The following PDE4D variants were observed in gnomAD, a reference collection of about 807,000 sequenced individuals.
PDE4D encodes 3',5'-cyclic-AMP phosphodiesterase 4D.
PDE4D carries 24 observed loss-of-function variants against 87.4 expected under a neutral mutation model. The observed-to-expected ratio is 0.27, with a 90% CI of 0.20 to 0.39. The LOEUF is 0.39. Ranked by LOEUF, PDE4D falls within the 10% of genes least tolerant of loss-of-function variation. PDE4D has a pLI of 1.00. For missense variants in PDE4D, 714 were observed against 1,041.0 expected, an observed-to-expected ratio of 0.69 and a Z score of 4.32; for synonymous variants, 384 against 383.2, an observed-to-expected ratio of 1.00 and a Z score of -0.02.
Position 59,215,763 on chromosome 5 carries a change from GC to G in PDE4D, c.647+13del, listed in dbSNP as rs552587443. The G allele has an allele frequency of 2.2e-4, 360 of 1,609,904 alleles. No individual in the cohort carries two copies. The African/African-American group carries it at 3.1e-3, about 14-fold the overall frequency. On this transcript the variant is annotated intron_variant, in intron 2 of 14. Transcript: ENST00000340635. ...TACTCGGTTTTCTCTCTCTTTGCCT[GC>G]CCTTGTACTTACATATCACTGGCAA... is the stretch of plus-strand genomic sequence containing the variant.
intron 1 of PDE4D, among the ~76,000 whole-genome samples, chr5:59,793,200 G>A (rs908315993): frequency 1.3e-5 from 2 of 152,152 alleles, no homozygotes; most frequent in East Asian, 1.9e-4. Context: ...CAGGAACCAC[G>A]TCCTGGGAGA....
intron 1 of PDE4D, among the ~76,000 whole-genome samples, chr5:59,685,199 T>C (rs1230867758): frequency 6.6e-6 from 1 of 152,236 alleles, no homozygotes; most frequent in Non-Finnish European, 1.5e-5. Context: ...ACTGTCTATG[T>C]AGTTTTTAGA....
At chr5:59,167,061 C>A (rs1285901613) in intron 5 of PDE4D, among the ~76,000 whole-genome samples, 2 of 152,196 alleles carry the variant, frequency 1.3e-5, no homozygotes, top group East Asian at 1.9e-4. Context: ...GTCCCAGACA[C>A]CGTGCTAATT....
At chr5:59,795,448 T>C (rs1434453995) in intron 1 of PDE4D, among the ~76,000 whole-genome samples, 3 of 152,196 alleles carry the variant, frequency 2.0e-5, no homozygotes, top group African/African-American at 2.4e-5. Flanking sequence ...GGCAAATGCA[T>C]GAAAGTAGAA....
intron 3 of PDE4D, among the ~76,000 whole-genome samples, chr5:59,915,100 A>C (rs1753897913): frequency 1.3e-5 from 2 of 152,118 alleles, no homozygotes. Flanking sequence ...GTGGAGTACA[A>C]AAACATAGTG....
intron 1 of PDE4D, among the ~76,000 whole-genome samples, chr5:60,254,353 AC>A (rs1748816465): frequency 6.6e-6 from 1 of 151,930 alleles, no homozygotes; most frequent in Non-Finnish European, 1.5e-5. Context: ...AATTAGAAAT[AC>A]GTTGTTCTGT....
intron 1 of PDE4D, among the ~76,000 whole-genome samples, chr5:60,468,690 C>T (rs1282973799): frequency 6.6e-6 from 1 of 151,466 alleles, no homozygotes; most frequent in Admixed American, 6.6e-5. Flanking sequence ...GTCTGGCTAA[C>T]TTTTTTTTCC....
intron 5 of PDE4D, among the ~76,000 whole-genome samples, chr5:59,049,602 C>T (rs1213778306): frequency 1.3e-5 from 2 of 152,146 alleles, no homozygotes; most frequent in East Asian, 3.9e-4. Flanking sequence ...CACCAATACA[C>T]CAGTATGATG....
At chr5:59,366,153 C>G (rs1169941572) in intron 1 of PDE4D, among the ~76,000 whole-genome samples, 1 of 151,836 alleles carries the variant, frequency 6.6e-6, no homozygotes, top group African/African-American at 2.4e-5. Context: ...GAAACTGCTT[C>G]TTAACAGGTG....
chr5:59,908,306 A>G (rs1056043081), intron 3 of PDE4D, among the ~76,000 whole-genome samples: 1 of 152,196 alleles, frequency 6.6e-6, no homozygotes, highest in Non-Finnish European at 1.5e-5. Flanking sequence ...GATATTAAAT[A>G]AACTCAAACT....
chr5:60,101,285 C>T (rs1582652148), intron 2 of PDE4D, among the ~76,000 whole-genome samples: 1 of 152,096 alleles, frequency 6.6e-6, no homozygotes, highest in Admixed American at 6.5e-5. Flanking sequence ...TCTGACTCAA[C>T]ATCTGGTTGC....
intron 1 of PDE4D, among the ~76,000 whole-genome samples, chr5:59,736,095 A>G (rs1187746892): frequency 6.6e-6 from 1 of 151,994 alleles, no homozygotes; most frequent in Non-Finnish European, 1.5e-5. Context: ...AACATTGTGC[A>G]CATGTACCCT....
At chr5:60,276,470 A>G (rs1210885233) in intron 1 of PDE4D, among the ~76,000 whole-genome samples, 1 of 152,218 alleles carries the variant, frequency 6.6e-6, no homozygotes, top group African/African-American at 2.4e-5. Context: ...GTAAATAGAC[A>G]GCAACCTACT....
chr5:59,200,057 G>GCACACATA (rs1561688147), intron 2 of PDE4D, among the ~76,000 whole-genome samples: 14 of 148,246 alleles, frequency 9.4e-5, no homozygotes, highest in Non-Finnish European at 1.6e-4. Flanking sequence ...GTACACACAT[G>GCACACATA]CATGTACACA....
intron 1 of PDE4D, among the ~76,000 whole-genome samples, chr5:60,295,237 G>T (rs1364718692): frequency 1.3e-5 from 2 of 152,170 alleles, no homozygotes; most frequent in Admixed American, 1.3e-4. Context: ...ATTGGTTCAA[G>T]TCCCCTTTAT....
At chr5:59,312,709 C>T (rs1393833971) in intron 1 of PDE4D, among the ~76,000 whole-genome samples, 1 of 152,126 alleles carries the variant, frequency 6.6e-6, no homozygotes, top group Non-Finnish European at 1.5e-5. Context: ...AACCCAGTGC[C>T]CCTATGCCAC....
intron 1 of PDE4D, among the ~76,000 whole-genome samples, chr5:60,347,483 T>C (rs1264143570): frequency 2.0e-5 from 3 of 152,146 alleles, no homozygotes; most frequent in Non-Finnish European, 4.4e-5. Flanking sequence ...GACTGTTGTG[T>C]AGAGAATAGG....
chr5:60,433,678 T>C (rs1427675309), intron 1 of PDE4D, among the ~76,000 whole-genome samples: 5 of 152,062 alleles, frequency 3.3e-5, no homozygotes, highest in African/African-American at 1.2e-4. Flanking sequence ...ACCAAAATGG[T>C]CAACAACATT....
At chr5:59,728,570 T>A (rs2150590441) in intron 1 of PDE4D, among the ~76,000 whole-genome samples, 1 of 152,246 alleles carries the variant, frequency 6.6e-6, no homozygotes, top group East Asian at 1.9e-4. Context: ...TCACTCTTGG[T>A]GTTACTGTGT....
Sources: gnomAD v4.1 joint callset for allele counts (sites outside exome capture counted in the v4.1 genomes callset) on GRCh38, gnomAD v4.1.1 for gene constraint, MANE v1.5 for transcripts, NCBI Gene and HGNC (gene_info 2026-07-23, HGNC 2026-07-21) for gene names.